The following N4BP2 variants were observed in gnomAD, a reference collection of about 807,000 sequenced individuals.
The protein encoded by N4BP2 is NEDD4 binding protein 2.
In N4BP2, 91 loss-of-function variants were observed where a neutral mutation model predicts 152.8. That is an observed-to-expected ratio of 0.60 (90% CI 0.50 to 0.71). The LOEUF is 0.71. Ranked by LOEUF, N4BP2 falls within the 30% of genes least tolerant of loss-of-function variation. N4BP2 has a pLI of 0.00. For synonymous variants in N4BP2, 646 were observed against 705.3 expected (o/e 0.92, Z 1.33); for missense variants, 1,923 against 2,059.1 (o/e 0.93, Z 1.28).
Position 40,121,370 on chromosome 4 carries a change from G to C in N4BP2, c.3259G>C (p.Asp1087His), listed in dbSNP as rs940869580. 8.7e-6 allele frequency: 14 copies of C among 1,613,496 alleles called. No homozygotes were observed. Among genetic ancestry groups the C allele is most frequent in the Non-Finnish European group, 1.2e-5 (14 of 1,179,856 alleles). Residue 1087 changes from aspartate (D) to histidine (H), a missense_variant, in exon 9 of 18, where the codon GAT (aspartate) becomes CAT (histidine). Asp to His is a moderately conservative substitution (Grantham distance 81). Coordinates refer to ENST00000261435, the MANE Select transcript of N4BP2 (RefSeq NM_018177.6). ...TGAAGAAAGTGAGCTTACCAGTGCAGATGAATCTGAAAATCTTAACATTCT... is the reference window on the plus strand; with the variant it reads ...TGAAGAAAGTGAGCTTACCAGTGCACATGAATCTGAAAATCTTAACATTCT... ...FVEESELTSADESENLNILCK... is the reference protein window; with the variant it reads ...FVEESELTSAHESENLNILCK...
Position 40,072,242 on chromosome 4 carries a change from ATTTTTTTTT to A in N4BP2, c.-211-1199_-211-1191del, listed in dbSNP as rs34754962. On this transcript the variant is annotated intron_variant, in intron 1 of 17. Transcript: ENST00000261435. Reference sequence around the variant, plus strand: ...AGGCGTGTGCCACTATGCCTGGCTAATTTTTTTTTTTTTTTTTTTTTTGATATGGAGTCT... The same window carrying A: ...AGGCGTGTGCCACTATGCCTGGCTAATTTTTTTTTTTTTGATATGGAGTCT... Among the ~76,000 whole-genome samples the A allele has an allele frequency of 4.2e-4, 49 of 117,558 alleles. No homozygotes were observed. In the East Asian group the frequency reaches 0.012, roughly 30 times the overall value. The allele number at this position is 117,558 out of a possible 152,430, so 77.1% of individuals were successfully genotyped here. A position where few individuals can be genotyped will look rare whatever the true frequency, so the allele number is the denominator to read the frequency against.
At chr4:40,079,209 A>G (rs184274519) in intron 2 of N4BP2, among the ~76,000 whole-genome samples, 71 of 152,298 alleles carry the variant, frequency 4.7e-4, no homozygotes, top group Admixed American at 1.1e-3. Context: ...GGCATAAGCC[A>G]CTGTGCCTGT....
chr4:40,063,996 C>G (rs1733850497), intron 1 of N4BP2, among the ~76,000 whole-genome samples: 1 of 151,874 alleles, frequency 6.6e-6, no homozygotes, highest in African/African-American at 2.4e-5. Context: ...GGGGGTCTCA[C>G]TATGTTGCCT....
intron 2 of N4BP2, among the ~76,000 whole-genome samples, chr4:40,075,756 A>G (rs1315777147): frequency 2.0e-5 from 3 of 152,088 alleles, no homozygotes; most frequent in African/African-American, 7.2e-5. Context: ...ATTCCAAAGG[A>G]TGAGTTCTGC....
At chr4:40,090,573 C>T (rs909623388) in intron 2 of N4BP2, among the ~76,000 whole-genome samples, 1 of 152,102 alleles carries the variant, frequency 6.6e-6, no homozygotes, top group Non-Finnish European at 1.5e-5. Context: ...AACATACTTT[C>T]GTTCAACGTC....
intron 2 of N4BP2, among the ~76,000 whole-genome samples, chr4:40,091,602 C>CTTTTTTTTTTTT (rs35142277): frequency 1.2e-5 from 1 of 80,470 alleles, no homozygotes; most frequent in Non-Finnish European, 2.4e-5. Context: ...GTATACAATC[C>CTTTTTTTTTTTT]TTTTTTTTTT....
intron 14 of N4BP2, among the ~76,000 whole-genome samples, chr4:40,141,752 G>A (rs978013097): frequency 6.6e-6 from 1 of 152,216 alleles, no homozygotes; most frequent in Non-Finnish European, 1.5e-5. Context: ...GGAGGTGGAG[G>A]TTGTAGCGAG....
At chr4:40,104,106 C>A (rs1715999348) in intron 4 of N4BP2, among the ~76,000 whole-genome samples, 1 of 152,064 alleles carries the variant, frequency 6.6e-6, no homozygotes, top group South Asian at 2.1e-4. Context: ...GCGCCCACCA[C>A]CACGCCCAGC....
At chr4:40,124,107 G>A in intron 10 of N4BP2, 53 bp from the exon 11 acceptor site, 2 of 1,402,074 alleles carry the variant, frequency 1.4e-6, no homozygotes, top group Non-Finnish European at 2.0e-6. Context: ...TTGTATCCTT[G>A]TTTACTAATG....
the N4BP2 span, chr4:40,167,865 GT>G: frequency 6.6e-6 from 1 of 152,180 alleles, no homozygotes; most frequent in African/African-American, 2.4e-5. Flanking sequence ...GGGAGTAAAA[GT>G]TACAATTTTT....
At chr4:40,109,009 G>T (rs1410550299) in intron 5 of N4BP2, among the ~76,000 whole-genome samples, 1 of 151,242 alleles carries the variant, frequency 6.6e-6, no homozygotes, top group Middle Eastern at 3.4e-3. Flanking sequence ...TAGAGACAGG[G>T]TTTCACCATG....
chr4:40,155,724 A>G lies in N4BP2; in HGVS notation c.*1487A>G, dbSNP rs1721549656. 6.6e-6 allele frequency: 1 copy of G among 152,210 alleles called. No homozygotes were observed. The highest frequency in any genetic ancestry group is 2.1e-4 in the South Asian group (1 of 4,828). 9.4% of individuals were successfully genotyped at this position (152,210 alleles called of 1,614,324 possible). Reference sequence around the variant, plus strand: ...TTGTTAAGCTTAAAAAAAAATTTGGATCAGAAATTATAGGATTGAGCTGGT... The same window carrying G: ...TTGTTAAGCTTAAAAAAAAATTTGGGTCAGAAATTATAGGATTGAGCTGGT... On this transcript the variant is annotated 3_prime_UTR_variant, in exon 18 of 18. Transcript: ENST00000261435.
chr4:40,099,811 T>C (rs1017527309), intron 3 of N4BP2, among the ~76,000 whole-genome samples: 31 of 152,294 alleles, frequency 2.0e-4, no homozygotes, highest in Middle Eastern at 3.4e-3. Context: ...TGTATAGACA[T>C]TAAGTTTTTA....
intron 16 of N4BP2, among the ~76,000 whole-genome samples, chr4:40,149,632 T>A (rs1300391950): frequency 6.6e-6 from 1 of 152,156 alleles, no homozygotes. Flanking sequence ...CAGTGGCTCA[T>A]GCCTGTAATC....
At position 40,152,760 on chromosome 4, in the gene N4BP2, C is replaced by T. The variant is rs1417956158; in HGVS notation, c.5144-20C>T. On this transcript the variant is annotated intron_variant, in intron 16 of 17. Transcript: ENST00000261435. ...TGTAAGATAAATGAATTTTAACTCC[C>T]CTGATTTCTGTTGTAACAGAATTTA... is the stretch of plus-strand genomic sequence containing the variant. The T allele has an allele frequency of 6.2e-7, 1 of 1,612,838 alleles. No individual in the cohort carries two copies. The highest frequency in any genetic ancestry group is 1.7e-5 in the Admixed American group (1 of 59,886).
the N4BP2 span, among the ~76,000 whole-genome samples, chr4:40,181,729 C>A: frequency 6.6e-6 from 1 of 152,208 alleles, no homozygotes; most frequent in Admixed American, 6.5e-5. Context: ...AGGCAGATCA[C>A]CTGAGGTCAG....
Position 40,065,690 on chromosome 4 carries a change from A to G in N4BP2, c.-211-7765A>G, listed in dbSNP as rs1733986406. The stretch of plus-strand genomic sequence containing the variant: ...TAATAGGAGTTTTGTTAGTCTGATC[A>G]TTATCAATTCTGTGTGCACAGAGAA... On this transcript the variant is annotated intron_variant, in intron 1 of 17. Transcript: ENST00000261435. Among the ~76,000 whole-genome samples the G allele has an allele frequency of 2.0e-5, 3 of 152,180 alleles. No individual in the cohort carries two copies. In the South Asian group the frequency reaches 6.2e-4, roughly 31 times the overall value.
intron 2 of N4BP2, among the ~76,000 whole-genome samples, chr4:40,076,722 T>C (rs966601676): frequency 6.6e-6 from 1 of 152,142 alleles, no homozygotes; most frequent in Non-Finnish European, 1.5e-5. Context: ...TCTCCTGACC[T>C]TGTGGTCCGC....
At chr4:40,061,491 A>G (rs77696803) in intron 1 of N4BP2, among the ~76,000 whole-genome samples, 8,082 of 151,740 alleles carry the variant, frequency 0.053, 273 homozygotes, top group Non-Finnish European at 0.067. Context: ...CAGCCTCCCA[A>G]GTAGCTGGGA....
Sources: allele counts gnomAD v4.1 joint callset (sites outside exome capture counted in the v4.1 genomes callset), GRCh38; gene constraint gnomAD v4.1.1; transcripts MANE v1.5; gene names NCBI Gene and HGNC (gene_info 2026-07-23, HGNC 2026-07-21).